USP39: variants seen among roughly 807,000 people sequenced by gnomAD.
USP39 encodes the protein ubiquitin carboxyl-terminal hydrolase 39.
In USP39, 38 loss-of-function variants were observed where a neutral mutation model predicts 66.4. That is an observed-to-expected ratio of 0.57 (90% confidence interval 0.44 to 0.75). The LOEUF (loss-of-function observed/expected upper bound fraction) is 0.75. USP39 is among the 30% of genes least tolerant of loss of function. The probability of loss-of-function intolerance (pLI) is 0.00; values close to 1 mark genes in which losing one functional copy is unlikely to be tolerated. For synonymous variants in USP39, 303 were observed against 274.6 expected, an observed-to-expected ratio of 1.10 and a Z score of -1.02; for missense variants, 608 against 714.4, an observed-to-expected ratio of 0.85 and a Z score of 1.70.
rs768054596 is a variant in USP39, at chr2:85,619,236, G to A, written c.285G>A (p.Val95=). 6.2e-7 allele frequency: 1 copy of A among 1,613,864 alleles called. No homozygotes were observed. Among genetic ancestry groups the A allele is most frequent in the East Asian group, 2.2e-5 (1 of 44,880 alleles). Reference sequence around the variant, plus strand: ...TCCTTTCAGCAAAGAATGGCCGAGTGGATTCTGAGGACCGGAGGAGCCGCC... The same window carrying A: ...TCCTTTCAGCAAAGAATGGCCGAGTAGATTCTGAGGACCGGAGGAGCCGCC... ...EREVRAKNGR[V]DSEDRRSRHC... is the part of the protein sequence containing the mutation. Residue 95 remains valine, a synonymous_variant, in exon 2 of 13, where the codon GTG becomes GTA. Transcript: ENST00000323701.
chr2:85,644,990 A>G lies in USP39; in HGVS notation c.1470A>G (p.Ala490=), dbSNP rs1676527409. ...AATACTTGTCTGAAGAAGTACAAGC[A>G]GTACACAAGAATACCACCTATGACC... is the stretch of plus-strand genomic sequence containing the variant. The part of the protein sequence containing the change: ...LREYLSEEVQ[A]VHKNTTYDLI... Residue 490 remains alanine (A), a synonymous_variant, in exon 11 of 13, where the codon GCA becomes GCG. Coordinates refer to ENST00000323701, the MANE Select transcript of USP39 (RefSeq NM_006590.4). 4 of 1,614,108 alleles carry G rather than the reference A, an allele frequency of 2.5e-6. No individual in the cohort carries two copies. Among genetic ancestry groups the G allele is most frequent in the Admixed American group, 1.7e-5 (1 of 60,002 alleles).
chr2:85,625,742 A>T, intron 5 of USP39, 51 bp downstream of exon 5: 1 of 1,591,288 alleles, frequency 6.3e-7, no homozygotes, highest in Non-Finnish European at 8.6e-7. Flanking sequence ...CAGAAGGCTG[A>T]GCACAGTGGC....
intron 11 of USP39, chr2:85,645,992 C>T (rs1158424872): frequency 1.3e-5 from 2 of 152,192 alleles, no homozygotes; most frequent in Non-Finnish European, 2.9e-5. Flanking sequence ...CTGCCCTAGA[C>T]TAGAGCCTTA....
chr2:85,610,760 CT>C (rs541919655), upstream of USP39: 10,333 of 123,684 alleles, frequency 0.084, 723 homozygotes, highest in East Asian at 0.3. Context: ...CTCTCTCTCT[CT>C]TTTTTTTTTT....
chr2:85,609,007 T>C, upstream of USP39: 1 of 1,614,250 alleles, frequency 6.2e-7, no homozygotes, highest in Non-Finnish European at 8.5e-7. Flanking sequence ...GCTTCTCGCA[T>C]GGGTGGATCC....
At position 85,639,156 on chromosome 2, in the gene USP39, A is replaced by T. The variant is rs370387272; in HGVS notation, c.1096-47A>T. Reference sequence around the variant, plus strand: ...AAACATCGGTTCTGTGTTGGTTCCTATACCCGTCACACTCCTTTCCTCTCT... The same window carrying T: ...AAACATCGGTTCTGTGTTGGTTCCTTTACCCGTCACACTCCTTTCCTCTCT... On this transcript the variant is annotated intron_variant, in intron 8 of 12. Transcript: ENST00000323701. 5 of 1,563,516 alleles carry T rather than the reference A, an allele frequency of 3.2e-6. No homozygotes were observed. In the African/African-American group the frequency reaches 6.8e-5, roughly 21 times the overall value.
chr2:85,647,474 G>C (rs1202479545), intron 11 of USP39, among the ~76,000 whole-genome samples: 2 of 151,462 alleles, frequency 1.3e-5, no homozygotes, highest in African/African-American at 4.9e-5. Context: ...AGTTAGCCTG[G>C]GCAACACAGT....
rs1318354394 is a variant in USP39 at position 85,623,928 on chromosome 2, G to A, written c.570+146G>A. On this transcript the variant is annotated intron_variant, in intron 4 of 12. Transcript: ENST00000323701. Reference sequence around the variant, plus strand: ...GCTTTCTCTTTTGGGAAGAACTGGGGAAACTGAGTAAGGTCAGAATTCATA... The same window carrying A: ...GCTTTCTCTTTTGGGAAGAACTGGGAAAACTGAGTAAGGTCAGAATTCATA... The A allele has an allele frequency of 7.8e-6, 7 of 897,270 alleles. No homozygotes were observed. In the Admixed American group the frequency reaches 1.1e-4, roughly 14 times the overall value. The allele number at this position is 897,270 out of a possible 1,614,324, so 55.6% of individuals were successfully genotyped here.
rs544477215 is a variant in USP39 at position 85,625,184 on chromosome 2, A to T, written c.571-355A>T. On this transcript the variant is annotated intron_variant, in intron 4 of 12. Coordinates refer to ENST00000323701, the MANE Select transcript of USP39 (RefSeq NM_006590.4). Reference sequence around the variant, plus strand: ...GAGGAAACTCTCCTGCTCCAAAGCTAGGTCCATGTGCTGCTCCCAGGAGGT... The same window carrying T: ...GAGGAAACTCTCCTGCTCCAAAGCTTGGTCCATGTGCTGCTCCCAGGAGGT... 1.1e-3 allele frequency among the ~76,000 whole-genome samples: 175 copies of T among 152,256 alleles called. 1 individual carries two copies. The highest frequency in any genetic ancestry group is 4.1e-3 in the African/African-American group (170 of 41,550).
At chr2:85,640,308 A>G (rs546684287) in intron 9 of USP39, among the ~76,000 whole-genome samples, 14 of 144,272 alleles carry the variant, frequency 9.7e-5, no homozygotes, top group South Asian at 8.7e-4. Context: ...TTTTTTTTTG[A>G]GATGGAGTCT....
upstream of USP39, among the ~76,000 whole-genome samples, chr2:85,615,760 A>G (rs1351734805): frequency 6.6e-6 from 1 of 152,186 alleles, no homozygotes; most frequent in Non-Finnish European, 1.5e-5. Context: ...CCTCCCGAGT[A>G]GCTGGGATTA....
chr2:85,609,424 A>C, upstream of USP39: 1 of 1,613,022 alleles, frequency 6.2e-7, no homozygotes, highest in Non-Finnish European at 8.5e-7. Flanking sequence ...AGCTGTTTCC[A>C]CCAGGCGTAC....
At chr2:85,632,728 G>A (rs757228589) in intron 6 of USP39, among the ~76,000 whole-genome samples, 1 of 152,024 alleles carries the variant, frequency 6.6e-6, no homozygotes, top group African/African-American at 2.4e-5. Context: ...GATTACAGGC[G>A]TGAGCCACCA....
At chr2:85,645,252 C>A in intron 11 of USP39, 169 bp downstream of exon 11, 5 of 858,660 alleles carry the variant, frequency 5.8e-6, no homozygotes, top group Admixed American at 3.1e-5. Context: ...TCAATTTTGG[C>A]TACACATTGG....
chr2:85,616,678 C>CTTTTTTT (rs4019533), intron 1 of USP39, among the ~76,000 whole-genome samples: 1 of 106,932 alleles, frequency 9.4e-6, no homozygotes, highest in Non-Finnish European at 1.9e-5. Context: ...TTTCTTTTTT[C>CTTTTTTT]TTTTTTTTTT....
At chr2:85,617,454 T>C (rs1261402722) in intron 1 of USP39, among the ~76,000 whole-genome samples, 1 of 152,180 alleles carries the variant, frequency 6.6e-6, no homozygotes, top group Non-Finnish European at 1.5e-5. Flanking sequence ...TCCTGGACTC[T>C]CGTTAAGGAT....
intron 2 of USP39, 78 bp downstream of exon 2, chr2:85,619,367 C>T: frequency 6.9e-7 from 1 of 1,454,072 alleles, no homozygotes; most frequent in African/African-American, 1.4e-5. Flanking sequence ...GTACAGTGAA[C>T]AACACATTGA....
At chr2:85,603,660 C>T (rs1673093457) in intron 1 of USP39, among the ~76,000 whole-genome samples, 1 of 150,430 alleles carries the variant, frequency 6.6e-6, no homozygotes, top group East Asian at 2.0e-4. Flanking sequence ...GGCGCGATCT[C>T]GGCTCACTGT....
Position 85,625,738 on chromosome 2 carries a change from G to C in USP39, c.723+47G>C, listed in dbSNP as rs745975285. ...TGAGGAAGAGAAGGACACCCAGAAG[G>C]CTGAGCACAGTGGCTCACCCCTGTA... is the stretch of plus-strand genomic sequence containing the variant. On this transcript the variant is annotated intron_variant, in intron 5 of 12. Coordinates refer to ENST00000323701, the MANE Select transcript of USP39 (RefSeq NM_006590.4). 2.8e-5 allele frequency: 45 copies of C among 1,595,466 alleles called. No individual in the cohort carries two copies. The East Asian group carries it at 1.0e-3, about 36-fold the overall frequency.
Sources: gnomAD v4.1 joint callset for allele counts (sites outside exome capture counted in the v4.1 genomes callset) on GRCh38, gnomAD v4.1.1 for gene constraint, MANE v1.5 for transcripts, NCBI Gene and HGNC (gene_info 2026-07-23, HGNC 2026-07-21) for gene names.